Variants in SORCS3 observed in about 807,000 individuals in gnomAD.
SORCS3 encodes the protein VPS10 domain-containing receptor SorCS3.
In SORCS3, 57 loss-of-function variants were observed where a neutral mutation model predicts 146.3. That is an observed-to-expected ratio of 0.39 (90% CI 0.31 to 0.49). The LOEUF is 0.49. Ranked by LOEUF, SORCS3 falls within the 20% of genes least tolerant of loss-of-function variation. The pLI is 0.92. For synonymous variants in SORCS3, 653 were observed against 618.5 expected, an observed-to-expected ratio of 1.06 and a Z score of -0.83; for missense variants, 1,341 against 1,575.5, an observed-to-expected ratio of 0.85 and a Z score of 2.52.
chr10:104,841,615 A>G (rs868043514), intron 1 of SORCS3, among the ~76,000 whole-genome samples: 3 of 152,152 alleles, frequency 2.0e-5, no homozygotes, highest in Middle Eastern at 3.2e-3. Flanking sequence ...CAAAGTGAGC[A>G]TTTTGTTGTT....
At chr10:104,812,275 C>A (rs1007356986) in intron 1 of SORCS3, among the ~76,000 whole-genome samples, 1 of 152,104 alleles carries the variant, frequency 6.6e-6, no homozygotes, top group Non-Finnish European at 1.5e-5. Flanking sequence ...CCAGCAGTTG[C>A]GTATCTAAAA....
At chr10:105,027,581 A>G (rs567395414) in intron 4 of SORCS3, among the ~76,000 whole-genome samples, 5 of 151,930 alleles carry the variant, frequency 3.3e-5, no homozygotes, top group Non-Finnish European at 7.4e-5. Context: ...GTTTTTTTTC[A>G]TGGTCATTCA....
rs550909613 is a variant in SORCS3 at position 104,666,876 on chromosome 10, G to A, written c.627+24922G>A. On this transcript the variant is annotated intron_variant, in intron 1 of 26. Coordinates refer to ENST00000369701, the MANE Select transcript of SORCS3 (RefSeq NM_014978.3). ...ATTTCATCCTCACAAAGTCTCTTTG[G>A]ACTATTGGATCAGAGAGGTTAAATA... Among the ~76,000 whole-genome samples, 44 of 152,066 alleles carry A rather than the reference G, an allele frequency of 2.9e-4. 1 individual carries two copies. Among genetic ancestry groups the A allele is most frequent in the African/African-American group, 1.0e-3 (42 of 41,462 alleles).
At chr10:104,788,515 A>G (rs1258500651) in intron 1 of SORCS3, among the ~76,000 whole-genome samples, 2 of 152,284 alleles carry the variant, frequency 1.3e-5, no homozygotes, top group East Asian at 1.9e-4. Context: ...TCTCTGGGAG[A>G]GTTCATAAGA....
chr10:105,210,708 T>C (rs1450446772), intron 16 of SORCS3, among the ~76,000 whole-genome samples: 9 of 152,198 alleles, frequency 5.9e-5, no homozygotes, highest in Non-Finnish European at 1.0e-4. Context: ...TTTGAATGAC[T>C]CTATGTGTCC....
chr10:104,842,004 C>T (rs1022155807), intron 1 of SORCS3, among the ~76,000 whole-genome samples: 3 of 152,208 alleles, frequency 2.0e-5, no homozygotes, highest in Non-Finnish European at 4.4e-5. Context: ...GGTAGGGCAA[C>T]ATCTGACAGC....
intron 1 of SORCS3, among the ~76,000 whole-genome samples, chr10:104,695,288 G>T (rs1335113526): frequency 6.6e-6 from 1 of 152,022 alleles, no homozygotes; most frequent in African/African-American, 2.4e-5. Flanking sequence ...AAATCCAGTA[G>T]CTGGGAGGGG....
chr10:104,722,872 C>G (rs1246446172), intron 1 of SORCS3, among the ~76,000 whole-genome samples: 2 of 151,526 alleles, frequency 1.3e-5, no homozygotes, highest in African/African-American at 4.9e-5. Context: ...TCTCTCTTTT[C>G]TTCTTTATTA....
chr10:105,157,295 C>T lies in SORCS3; in HGVS notation c.1629+11C>T. 1 of 1,613,518 alleles carries T rather than the reference C, an allele frequency of 6.2e-7. No homozygotes were observed. Among genetic ancestry groups the T allele is most frequent in the Non-Finnish European group, 8.5e-7 (1 of 1,179,628 alleles). ...GTGCACTGCCTGCTGGTCAGTCACTCAGCCTCATGGGAAGTTCACAGGGCA... is the reference window on the plus strand; with the variant it reads ...GTGCACTGCCTGCTGGTCAGTCACTTAGCCTCATGGGAAGTTCACAGGGCA... On this transcript the variant is annotated intron_variant, in intron 10 of 26. Coordinates refer to ENST00000369701, the MANE Select transcript of SORCS3 (RefSeq NM_014978.3).
intron 7 of SORCS3, among the ~76,000 whole-genome samples, chr10:105,110,373 C>T (rs1196822692): frequency 1.3e-5 from 2 of 151,878 alleles, no homozygotes; most frequent in Non-Finnish European, 2.9e-5. Context: ...ATATTTTATT[C>T]CATATCTGTT....
At chr10:105,031,854 C>T (rs1441214776) in intron 4 of SORCS3, among the ~76,000 whole-genome samples, 2 of 152,246 alleles carry the variant, frequency 1.3e-5, no homozygotes, top group Admixed American at 6.5e-5. Flanking sequence ...TTTTCCCTGG[C>T]GTATAGTTTT....
intron 20 of SORCS3, among the ~76,000 whole-genome samples, chr10:105,224,380 C>T (rs2056721981): frequency 1.3e-5 from 2 of 152,114 alleles, no homozygotes; most frequent in African/African-American, 4.8e-5. Flanking sequence ...AAGCAATATG[C>T]ATTTAAGTTT....
At chr10:104,828,057 T>C (rs191506106) in intron 1 of SORCS3, among the ~76,000 whole-genome samples, 1 of 152,300 alleles carries the variant, frequency 6.6e-6, no homozygotes, top group African/African-American at 2.4e-5. Context: ...TAAACCTTTT[T>C]CCCTATCAGC....
chr10:105,255,434 G>C (rs2056925542), intron 23 of SORCS3, among the ~76,000 whole-genome samples: 2 of 152,064 alleles, frequency 1.3e-5, no homozygotes, highest in African/African-American at 2.4e-5. Flanking sequence ...TAACTAACCT[G>C]TACGTTGTGC....
At chr10:104,722,396 A>G (rs1220094038) in intron 1 of SORCS3, among the ~76,000 whole-genome samples, 3 of 151,984 alleles carry the variant, frequency 2.0e-5, no homozygotes, top group African/African-American at 7.2e-5. Flanking sequence ...TTTATTGAGG[A>G]TTTTTGCATC....
At chr10:104,882,591 G>C (rs748921875) in intron 2 of SORCS3, among the ~76,000 whole-genome samples, 1 of 152,172 alleles carries the variant, frequency 6.6e-6, no homozygotes, top group Non-Finnish European at 1.5e-5. Flanking sequence ...CCCACAGAGA[G>C]AGAAAGCATT....
intron 1 of SORCS3, among the ~76,000 whole-genome samples, chr10:104,784,873 AGAT>A (rs2133495186): frequency 6.6e-6 from 1 of 151,930 alleles, no homozygotes; most frequent in South Asian, 2.1e-4. Flanking sequence ...CTCATTCTGG[AGAT>A]GATGTTGACT....
chr10:105,260,523 G>A (rs1254696329), intron 25 of SORCS3, among the ~76,000 whole-genome samples: 1 of 152,166 alleles, frequency 6.6e-6, no homozygotes, highest in East Asian at 1.9e-4. Flanking sequence ...AGACCAGTAG[G>A]GGTCATGGGG....
intron 1 of SORCS3, among the ~76,000 whole-genome samples, chr10:104,749,226 G>GGGGTGT (rs1239470202): frequency 7.1e-6 from 1 of 140,900 alleles, no homozygotes; most frequent in Admixed American, 7.1e-5. Flanking sequence ...CAAAGTATAG[G>GGGGTGT]GTGTGTGTGT....
Sources: allele counts gnomAD v4.1 joint callset (sites outside exome capture counted in the v4.1 genomes callset), GRCh38; gene constraint gnomAD v4.1.1; transcripts MANE v1.5; gene names NCBI Gene and HGNC (gene_info 2026-07-23, HGNC 2026-07-21).